The following TSC1 variants were observed in gnomAD, a reference collection of about 807,000 sequenced individuals.
TSC1 encodes TSC complex subunit 1.
Under a neutral mutation model 124.3 loss-of-function variants are expected in TSC1, and 20 were observed. That is an observed-to-expected ratio of 0.16 (90% CI 0.11 to 0.23). The LOEUF (loss-of-function observed/expected upper bound fraction) is 0.23. Ranked by LOEUF, TSC1 falls within the 10% of genes least tolerant of loss-of-function variation. TSC1 has a pLI of 1.00. For missense variants in TSC1, 1,124 were observed against 1,448.5 expected, an observed-to-expected ratio of 0.78 and a Z score of 3.64; for synonymous variants, 493 against 539.1, an observed-to-expected ratio of 0.91 and a Z score of 1.19.
Position 132,923,051 on chromosome 9 carries a change from C to T in TSC1, c.508+297G>A, listed in dbSNP as rs116630054. Among the ~76,000 whole-genome samples the T allele has an allele frequency of 1.2e-3, 176 of 152,328 alleles. 1 individual carries two copies. The highest frequency in any genetic ancestry group is 4.1e-3 in the African/African-American group (170 of 41,580). On this transcript the variant is annotated intron_variant, in intron 6 of 22. Coordinates refer to ENST00000298552, the MANE Select transcript of TSC1 (RefSeq NM_000368.5). This position sits in a 1 kb window ranked among gnomAD's most constrained non-coding sequence, Gnocchi z 4.2. ...AGCTTAGTCCTGTACTGCTGCAATA[C>T]AGACGGAGGCTGTTTTTCAGTTTAT...
intron 18 of TSC1, 41 bp from the exon 19 acceptor site, chr9:132,901,740 A>G (rs2131712793): frequency 6.3e-7 from 1 of 1,593,552 alleles, no homozygotes; most frequent in Non-Finnish European, 8.6e-7. Context: ...AGGAACACCA[A>G]CAGGCCAGAT....
In TSC1 at chr9:132,911,239, A is replaced by G. The variant is rs535793679; in HGVS notation, c.1030-126T>C. The G allele has an allele frequency of 3.2e-5, 28 of 862,866 alleles. No individual in the cohort carries two copies. In the African/African-American group the frequency reaches 4.0e-4, roughly 12 times the overall value. The allele number at this position is 862,866 out of a possible 1,614,324, so 53.5% of individuals were successfully genotyped here. On this transcript the variant is annotated intron_variant, in intron 10 of 22. Transcript: ENST00000298552. ...ATCTAGAAAAAGGCATCTTATTAAA[A>G]GCGTATCAAGAAACAAGTTGCATTT...
chr9:132,900,933 C>A, intron 19 of TSC1, 96 bp from the exon 20 acceptor site: 1 of 1,578,254 alleles, frequency 6.3e-7, no homozygotes, highest in Non-Finnish European at 8.7e-7. Flanking sequence ...CACACTATTT[C>A]AATGTTAAGG....
At position 132,891,891 on chromosome 9, in the gene TSC1, C is replaced by G. The variant is rs1187486929; in HGVS notation, c.*4344G>C. 1 of 233,612 alleles carries G rather than the reference C, an allele frequency of 4.3e-6. No homozygotes were observed. The highest frequency in any genetic ancestry group is 2.2e-5 in the African/African-American group (1 of 45,460). 14.5% of individuals were successfully genotyped at this position (233,612 alleles called of 1,614,324 possible). On this transcript the variant is annotated 3_prime_UTR_variant, in exon 23 of 23. Transcript: ENST00000298552. Reference sequence around the variant, plus strand: ...TGGGGAAAGGGAGGGAAGGGTTGGTCTGGGGGTTCTCAGACTCTCAGGGTT... The same window carrying G: ...TGGGGAAAGGGAGGGAAGGGTTGGTGTGGGGGTTCTCAGACTCTCAGGGTT...
intron 2 of TSC1, among the ~76,000 whole-genome samples, chr9:132,930,667 A>C (rs1267574019): frequency 6.6e-6 from 1 of 151,344 alleles, no homozygotes; most frequent in Non-Finnish European, 1.5e-5. Flanking sequence ...CCATGACCCC[A>C]AAAACTGCCA....
chr9:132,934,861 T>C (rs527451523), intron 2 of TSC1, among the ~76,000 whole-genome samples, 172 bp downstream of exon 2: 1 of 152,276 alleles, frequency 6.6e-6, no homozygotes, highest in Non-Finnish European at 1.5e-5. Context: ...TGTCAGGCAC[T>C]GAATACAAGC....
At chr9:132,927,056 A>T (rs1047006844) in intron 4 of TSC1, 145 bp downstream of exon 4, 4 of 764,448 alleles carry the variant, frequency 5.2e-6, no homozygotes, top group Non-Finnish European at 8.9e-6. Context: ...TAATTTTTAT[A>T]TGTAGTTATA....
chr9:132,930,625 C>A (rs927093813), intron 2 of TSC1, among the ~76,000 whole-genome samples: 2 of 145,860 alleles, frequency 1.4e-5, no homozygotes, highest in Non-Finnish European at 1.5e-5. Context: ...GAGAGATAAG[C>A]TCCTTCTGCA....
intron 8 of TSC1, among the ~76,000 whole-genome samples, chr9:132,914,704 A>T (rs1228674104): frequency 1.5e-5 from 1 of 67,674 alleles, no homozygotes; most frequent in East Asian, 2.7e-4. Context: ...AAAAAAATAC[A>T]AAAAAAAAAA....
chr9:132,940,617 T>G (rs1355343961), intron 1 of TSC1: 1 of 152,236 alleles, frequency 6.6e-6, no homozygotes, highest in Non-Finnish European at 1.5e-5. Flanking sequence ...AGCCACTGAA[T>G]AAGTGACTAT....
chr9:132,912,242 C>CAT, intron 9 of TSC1, 40 bp downstream of exon 9: 9 of 1,610,016 alleles, frequency 5.6e-6, no homozygotes, highest in Non-Finnish European at 7.7e-6. Flanking sequence ...TTTCCAGAGA[C>CAT]AAAGTTGCAA....
At chr9:132,911,796 G>C (rs909631210) in intron 9 of TSC1, among the ~76,000 whole-genome samples, 2 of 152,144 alleles carry the variant, frequency 1.3e-5, no homozygotes, top group Admixed American at 1.3e-4. Context: ...AATAAGGTTT[G>C]ATGTCTCATT....
Position 132,923,232 on chromosome 9 carries a change from C to A in TSC1, c.508+116G>T. 1.4e-6 allele frequency: 2 copies of A among 1,429,144 alleles called. No homozygotes were observed. The highest frequency in any genetic ancestry group is 2.8e-5 in the South Asian group (2 of 70,632). 88.5% of individuals were successfully genotyped at this position (1,429,144 alleles called of 1,614,324 possible). Reference sequence around the variant, plus strand: ...TATTCCCTCATCTGTCTGGTGAAAACCACTCATTTCAGCTATAAAAGTCTA... The same window carrying A: ...TATTCCCTCATCTGTCTGGTGAAAAACACTCATTTCAGCTATAAAAGTCTA... On this transcript the variant is annotated intron_variant, in intron 6 of 22. Coordinates refer to ENST00000298552, the MANE Select transcript of TSC1 (RefSeq NM_000368.5). The surrounding 1 kb of genome is among the most constrained non-coding windows in gnomAD (Gnocchi z 4.2).
chr9:132,896,383 C>T lies in TSC1; in HGVS notation c.3347G>A (p.Ser1116Asn), dbSNP rs764140399. The T allele has an allele frequency of 1.2e-6, 2 of 1,614,210 alleles. No homozygotes were observed. The highest frequency in any genetic ancestry group is 4.5e-5 in the East Asian group (2 of 44,876). ...GTCTTTGCCCAGTTCTGTCTTTAGG[C>T]TCTCAGAAAGGCTACTGGTCATGCC... ...EDGMTSSLSESLKTELGKDLG... is the reference protein window; with the variant it reads ...EDGMTSSLSENLKTELGKDLG... Residue 1116 changes from serine to asparagine, a missense_variant, in exon 23 of 23, where the codon AGC becomes AAC. Transcript: ENST00000298552. This position sits in a 1 kb window ranked among gnomAD's most constrained non-coding sequence, Gnocchi z 4.5.
intron 11 of TSC1, 90 bp from the exon 12 acceptor site, chr9:132,910,782 A>C: frequency 6.3e-7 from 1 of 1,580,836 alleles, no homozygotes; most frequent in South Asian, 1.1e-5. Flanking sequence ...TATTACTATA[A>C]ATAAAGCTGC....
At chr9:132,938,201 C>G (rs1367656935) in intron 1 of TSC1, among the ~76,000 whole-genome samples, 2 of 152,018 alleles carry the variant, frequency 1.3e-5, no homozygotes, top group African/African-American at 4.8e-5. Flanking sequence ...TCAATCCTGT[C>G]CTATGGGGGT....
At chr9:132,917,107 T>C (rs1271585138) in intron 8 of TSC1, among the ~76,000 whole-genome samples, 1 of 152,256 alleles carries the variant, frequency 6.6e-6, no homozygotes, top group Non-Finnish European at 1.5e-5. Flanking sequence ...AACAGCATTC[T>C]GATTTCTAAT....
chr9:132,944,989 A>G (rs1848014093), upstream of TSC1, among the ~76,000 whole-genome samples: 1 of 151,962 alleles, frequency 6.6e-6, no homozygotes. Context: ...GGAGAGGCGT[A>G]AACAAGCTGG....
chr9:132,925,920 A>C, intron 4 of TSC1, 181 bp from the exon 5 acceptor site: 1 of 782,014 alleles, frequency 1.3e-6, no homozygotes, highest in Non-Finnish European at 2.0e-6. Flanking sequence ...ACACTGCTGC[A>C]TTTGGCCTGA....
Sources: allele counts gnomAD v4.1 joint callset (sites outside exome capture counted in the v4.1 genomes callset), GRCh38; gene constraint gnomAD v4.1.1; non-coding constraint Gnocchi (gnomAD v3.1); transcripts MANE v1.5; gene names NCBI Gene and HGNC (gene_info 2026-07-23, HGNC 2026-07-21).